Variants in CFAP20DC observed in about 807,000 individuals in gnomAD.
CFAP20DC encodes the protein protein CFAP20DC.
Under a neutral mutation model 101.7 loss-of-function variants are expected in CFAP20DC, and 84 were observed. That is an observed-to-expected ratio of 0.83 (90% CI 0.69 to 0.99). The LOEUF (loss-of-function observed/expected upper bound fraction) is 0.99. Ranked by LOEUF, CFAP20DC falls within the 50% of genes least tolerant of loss-of-function variation. CFAP20DC has a pLI of 0.00. For missense variants in CFAP20DC, 1,007 were observed against 970.3 expected (o/e 1.04, Z -0.50); for synonymous variants, 359 against 351.2 (o/e 1.02, Z -0.25).
chr3:58,737,327 C>T, downstream of CFAP20DC: 1 of 435,254 alleles, frequency 2.3e-6, no homozygotes, highest in Admixed American at 2.6e-5. The surrounding 1 kb of genome is among the most constrained non-coding windows in gnomAD (Gnocchi z 4.1). Flanking sequence ...CACACAGACA[C>T]ACACCCACCC....
Position 58,869,587 on chromosome 3 carries a change from G to T in CFAP20DC, c.853-97C>A. On this transcript the variant is annotated intron_variant, in intron 8 of 16. Transcript: ENST00000482387. The surrounding 1 kb of genome is among the most constrained non-coding windows in gnomAD (Gnocchi z 4.3). ...AACATAATATTTGGACCAATGAAGA[G>T]TGAGAAAAAAACTAGAGGAAATGAG... 2 of 961,400 alleles carry T rather than the reference G, an allele frequency of 2.1e-6. No homozygotes were observed. Among genetic ancestry groups the T allele is most frequent in the Non-Finnish European group, 2.9e-6 (2 of 686,884 alleles). The allele number at this position is 961,400 out of a possible 1,614,324, so 59.6% of individuals were successfully genotyped here. A position where few individuals can be genotyped will look rare whatever the true frequency, so the allele number is the denominator to read the frequency against.
intron 14 of CFAP20DC, among the ~76,000 whole-genome samples, chr3:58,809,886 T>A (rs184105062): frequency 1.1e-4 from 17 of 152,092 alleles, no homozygotes; most frequent in East Asian, 7.7e-4. Context: ...CACCGATCCC[T>A]CAGAAATACA....
chr3:58,876,217 TA>T (rs1003283164), intron 7 of CFAP20DC, among the ~76,000 whole-genome samples: 2 of 152,150 alleles, frequency 1.3e-5, no homozygotes, highest in Non-Finnish European at 1.5e-5. Flanking sequence ...TGCTTCACTT[TA>T]AAAAATCTGT....
intron 3 of CFAP20DC, among the ~76,000 whole-genome samples, chr3:58,720,635 C>T (rs1367801589): frequency 6.6e-6 from 1 of 152,204 alleles, no homozygotes; most frequent in African/African-American, 2.4e-5. Flanking sequence ...AATTTGGAAA[C>T]AATCTTCTTG....
intron 4 of CFAP20DC, among the ~76,000 whole-genome samples, chr3:58,957,653 A>G (rs1238745563): frequency 6.6e-6 from 1 of 152,210 alleles, no homozygotes; most frequent in Non-Finnish European, 1.5e-5. Context: ...CTTACATACA[A>G]TGGAGTATTA....
In CFAP20DC at chr3:58,842,312, C is replaced by A. The variant is rs547844264; in HGVS notation, c.1971+6720G>T. On this transcript the variant is annotated intron_variant, in intron 13 of 16. Coordinates refer to ENST00000482387, the MANE Select transcript of CFAP20DC (RefSeq NM_001394063.1). The stretch of plus-strand genomic sequence containing the variant: ...GGCGCAGGCCAGTGGGTGCGCGCAC[C>A]GTGCGCGAGCTGAAGCAGGGCGAGG... 2.0e-3 allele frequency among the ~76,000 whole-genome samples: 312 copies of A among 152,252 alleles called. 3 individuals are homozygous for A. Among genetic ancestry groups the A allele is most frequent in the African/African-American group, 7.3e-3 (305 of 41,540 alleles).
intron 14 of CFAP20DC, among the ~76,000 whole-genome samples, chr3:58,807,116 C>T (rs991131557): frequency 6.6e-6 from 1 of 152,204 alleles, no homozygotes; most frequent in Non-Finnish European, 1.5e-5. Context: ...CTGCCTGCCT[C>T]TGTAGGCTCC....
intron 3 of CFAP20DC, among the ~76,000 whole-genome samples, chr3:59,042,569 A>T (rs1362133039): frequency 6.6e-6 from 1 of 152,046 alleles, no homozygotes. Flanking sequence ...GAGTAATAGG[A>T]AATAGGTCAG....
intron 4 of CFAP20DC, among the ~76,000 whole-genome samples, chr3:59,028,867 A>G (rs2093938317): frequency 6.6e-6 from 1 of 152,174 alleles, no homozygotes; most frequent in Admixed American, 6.5e-5. Flanking sequence ...AATGCTTATG[A>G]CAGACCTGTG....
chr3:58,937,141 G>T (rs939613466), intron 5 of CFAP20DC, among the ~76,000 whole-genome samples: 1 of 152,222 alleles, frequency 6.6e-6, no homozygotes, highest in Non-Finnish European at 1.5e-5. Context: ...CCCATATCAG[G>T]CTCTTGTACT....
intron 14 of CFAP20DC, among the ~76,000 whole-genome samples, chr3:58,817,510 C>G (rs1179163884): frequency 6.9e-6 from 1 of 145,160 alleles, no homozygotes; most frequent in African/African-American, 2.6e-5. Context: ...CCTCAGGAGC[C>G]GATGCGATCA....
In CFAP20DC at chr3:58,729,727, G is replaced by T. The variant is rs1377586351; in HGVS notation, c.198-12099C>A. 2.0e-5 allele frequency among the ~76,000 whole-genome samples: 3 copies of T among 152,062 alleles called. No individual in the cohort carries two copies. Among genetic ancestry groups the T allele is most frequent in the Non-Finnish European group, 1.5e-5 (1 of 67,996 alleles). ...TATACCAAATTAGTCTGCTATTATTGAAAGTTGAGGCTGGGATCGGTGGCT... is the reference window on the plus strand; with the variant it reads ...TATACCAAATTAGTCTGCTATTATTTAAAGTTGAGGCTGGGATCGGTGGCT... On this transcript the variant is annotated intron_variant, in intron 3 of 3. Transcript: ENST00000486145. This position sits in a 1 kb window ranked among gnomAD's most constrained non-coding sequence, Gnocchi z 4.4.
downstream of CFAP20DC, among the ~76,000 whole-genome samples, chr3:58,740,899 G>T (rs560939432): frequency 6.6e-6 from 1 of 152,052 alleles, no homozygotes; most frequent in Admixed American, 6.6e-5. This position sits in a 1 kb window ranked among gnomAD's most constrained non-coding sequence, Gnocchi z 4.6. Context: ...GCATGCTTTG[G>T]AAAGCTTAAT....
chr3:58,848,561 GACACTGTTTTAATGTTA>G (rs2077935934), intron 13 of CFAP20DC, among the ~76,000 whole-genome samples: 1 of 152,116 alleles, frequency 6.6e-6, no homozygotes, highest in Admixed American at 6.5e-5. Context: ...TTTATTCGAT[GACACTGTTTTAATGTTA>G]ACCTTCACTC....
At chr3:58,920,202 C>T (rs535074962) in intron 5 of CFAP20DC, among the ~76,000 whole-genome samples, 2 of 151,130 alleles carry the variant, frequency 1.3e-5, no homozygotes, top group Non-Finnish European at 2.9e-5. Flanking sequence ...GTGATCCTCC[C>T]ACTTCAGCTT....
intron 4 of CFAP20DC, among the ~76,000 whole-genome samples, chr3:58,975,426 TA>T (rs2092219888): frequency 6.6e-6 from 1 of 152,216 alleles, no homozygotes; most frequent in African/African-American, 2.4e-5. Flanking sequence ...GGCCAAATTA[TA>T]TAGCAAAATC....
At chr3:58,877,593 G>C (rs1010944845) in intron 7 of CFAP20DC, among the ~76,000 whole-genome samples, 4 of 152,216 alleles carry the variant, frequency 2.6e-5, no homozygotes, top group Non-Finnish European at 4.4e-5. Context: ...CATGCTCTGA[G>C]CGGGGGCTCA....
rs181412903 is a variant in CFAP20DC at position 58,721,111 on chromosome 3, T to C, written c.198-3483A>G. 6.6e-6 allele frequency among the ~76,000 whole-genome samples: 1 copy of C among 152,338 alleles called. No homozygotes were observed. The highest frequency in any genetic ancestry group is 1.9e-4 in the East Asian group (1 of 5,176). ...CATACCTCCAGAGGGTTTATCTGTT[T>C]ATCCTCTGTCTCCCCATCCACATGT... On this transcript the variant is annotated intron_variant, in intron 3 of 3. Transcript: ENST00000486145. This position sits in a 1 kb window ranked among gnomAD's most constrained non-coding sequence, Gnocchi z 5.2.
At chr3:58,980,657 G>A (rs982822179) in intron 4 of CFAP20DC, among the ~76,000 whole-genome samples, 1 of 152,044 alleles carries the variant, frequency 6.6e-6, no homozygotes, top group Non-Finnish European at 1.5e-5. Context: ...ATTCAACAAT[G>A]CTTCATGCTA....
Sources: gnomAD v4.1 joint callset for allele counts (sites outside exome capture counted in the v4.1 genomes callset) on GRCh38, gnomAD v4.1.1 for gene constraint, Gnocchi (gnomAD v3.1) non-coding constraint, MANE v1.5 for transcripts, NCBI Gene and HGNC (gene_info 2026-07-23, HGNC 2026-07-21) for gene names.